ZDBF2: variants seen among roughly 807,000 people sequenced by gnomAD.
ZDBF2 encodes the protein zinc finger DBF-type containing 2, also known as DBF4-type zinc finger-containing protein 2.
ZDBF2 carries 6 observed loss-of-function variants against 9.4 expected under a neutral mutation model. That is an observed-to-expected ratio of 0.64 (90% CI 0.35 to 1.27). The LOEUF (loss-of-function observed/expected upper bound fraction) is 1.27. Ranked by LOEUF, ZDBF2 falls within the 50% of genes most tolerant of loss-of-function variation. The probability of loss-of-function intolerance (pLI) is 0.03; values close to 1 mark genes in which losing one functional copy is unlikely to be tolerated. For missense variants in ZDBF2, 2,697 were observed against 2,766.8 expected, an observed-to-expected ratio of 0.97 and a Z score of 0.57; for synonymous variants, 905 against 946.3, an observed-to-expected ratio of 0.96 and a Z score of 0.80.
Position 206,295,363 on chromosome 2 carries a change from C to CTTT in ZDBF2, c.61-1867_61-1865dup, listed in dbSNP as rs571707187. 8.0e-3 allele frequency among the ~76,000 whole-genome samples: 883 copies of CTTT among 110,944 alleles called. 17 individuals carry two copies. The highest frequency in any genetic ancestry group is 0.027 in the African/African-American group (798 of 29,620). 72.8% of individuals were successfully genotyped at this position (110,944 alleles called of 152,430 possible). A position where few individuals can be genotyped will look rare whatever the true frequency, so the allele number is the denominator to read the frequency against. ...TAATTCTTTTTTTTTCTTTTCTTTTCTTTTTTTTTTTTTTTTTTGAGACAG... is the reference window on the plus strand; with the variant it reads ...TAATTCTTTTTTTTTCTTTTCTTTTCTTTTTTTTTTTTTTTTTTTTTGAGACAG... On this transcript the variant is annotated intron_variant, in intron 3 of 4. Coordinates refer to ENST00000374423, the MANE Select transcript of ZDBF2 (RefSeq NM_020923.3).
At chr2:206,299,878 C>T (rs1182938321) in intron 4 of ZDBF2, among the ~76,000 whole-genome samples, 2 of 151,650 alleles carry the variant, frequency 1.3e-5, no homozygotes, top group East Asian at 1.9e-4. Flanking sequence ...GAGGCCGAGG[C>T]GGGCGGATCA....
rs200294453 is a variant in ZDBF2, at chr2:206,310,366, T to C, written c.5838T>C (p.Thr1946=). ...QCQTAKISHS[T]QTSCKNYPVM... ...AGACAGCGAAAATCAGCCATAGTAC[T>C]CAGACCAGTTGTAAGAATTACCCAG... is the stretch of plus-strand genomic sequence containing the variant. The change falls in exon 5 of 5, where the codon ACT becomes ACC. Residue 1946 remains threonine (T), a synonymous_variant. Transcript: ENST00000374423. The C allele has an allele frequency of 9.9e-6, 16 of 1,613,940 alleles. No homozygotes were observed. Among genetic ancestry groups the C allele is most frequent in the Non-Finnish European group, 2.5e-6 (3 of 1,179,882 alleles).
Position 206,307,590 on chromosome 2 carries a change from TAAACAG to T in ZDBF2, c.3066_3071del (p.Asn1022_Arg1023del), listed in dbSNP as rs749924193. 45 of 1,612,566 alleles carry T rather than the reference TAAACAG, an allele frequency of 2.8e-5. No homozygotes were observed. In the South Asian group the frequency reaches 4.4e-4, roughly 16 times the overall value. On this transcript the variant is annotated inframe_deletion, in exon 5 of 5. Coordinates refer to ENST00000374423, the MANE Select transcript of ZDBF2 (RefSeq NM_020923.3). The stretch of plus-strand genomic sequence containing the variant: ...GAACCTCAAGTAGCTGTTAACAAAA[TAAACAG>T]AAAGAAGCAATATGTTCTAGAAAAC...
In ZDBF2 at chr2:206,305,637, C is replaced by T. The variant is rs778584044; in HGVS notation, c.1109C>T (p.Ser370Phe). ...TCTGAAATGAAGTTTGATTGTATCTCTCTTCAGTCAGCATCTGATCAGCCC... is the reference window on the plus strand; with the variant it reads ...TCTGAAATGAAGTTTGATTGTATCTTTCTTCAGTCAGCATCTGATCAGCCC... ...VSSEMKFDCI[S>F]LQSASDQPQE... The change falls in exon 5 of 5, where the codon TCT (serine) becomes TTT (phenylalanine). Residue 370 changes from serine to phenylalanine, a missense_variant. Around this residue, in one of 3 missense-constraint regions of ZDBF2, gnomAD observed 910 missense variants for 973.6 expected, o/e 0.93. Transcript: ENST00000374423. 1 of 1,613,694 alleles carries T rather than the reference C, an allele frequency of 6.2e-7. No homozygotes were observed. The highest frequency in any genetic ancestry group is 1.1e-5 in the South Asian group (1 of 91,064).
rs887545037 is a variant in ZDBF2, at chr2:206,306,994, T to C, written c.2466T>C (p.Asn822=). The C allele has an allele frequency of 1.2e-6, 2 of 1,613,720 alleles. No individual in the cohort carries two copies. Among genetic ancestry groups the C allele is most frequent in the Non-Finnish European group, 1.7e-6 (2 of 1,179,770 alleles). Residue 822 remains asparagine, a synonymous_variant, in exon 5 of 5, where the codon AAT becomes AAC. Transcript: ENST00000374423. ...EETVDLESKS[N]ESCVSEITFD... Reference sequence around the variant, plus strand: ...CTGTTGATCTGGAAAGTAAAAGTAATGAATCTTGTGTCTCTGAAATAACTT... The same window carrying C: ...CTGTTGATCTGGAAAGTAAAAGTAACGAATCTTGTGTCTCTGAAATAACTT...
rs1375137397 is a variant in ZDBF2 at position 206,305,804 on chromosome 2, A to G, written c.1276A>G (p.Lys426Glu). ...SLTDQSKVSA[K>E]EVNLSKEVRT... ...GACTGACCAATCTAAAGTGAGTGCCAAAGAAGTAAACCTTTCCAAGGAAGT... is the reference window on the plus strand; with the variant it reads ...GACTGACCAATCTAAAGTGAGTGCCGAAGAAGTAAACCTTTCCAAGGAAGT... The change falls in exon 5 of 5, where the codon AAA (lysine) becomes GAA (glutamate). Residue 426 changes from lysine to glutamate, a missense_variant. Physicochemically the swap from Lys to Glu is moderately conservative, Grantham distance 56. Transcript: ENST00000374423. The G allele has an allele frequency of 6.2e-7, 1 of 1,613,708 alleles. No individual in the cohort carries two copies. Among genetic ancestry groups the G allele is most frequent in the East Asian group, 2.2e-5 (1 of 44,872 alleles).
At chr2:206,282,132 A>T (rs1691352227) in intron 3 of ZDBF2, among the ~76,000 whole-genome samples, 2 of 152,232 alleles carry the variant, frequency 1.3e-5, no homozygotes, top group Admixed American at 6.5e-5. Flanking sequence ...GATAAATAAT[A>T]TATAAATTTA....
chr2:206,276,611 A>G (rs896079316), intron 1 of ZDBF2, among the ~76,000 whole-genome samples: 4 of 152,168 alleles, frequency 2.6e-5, no homozygotes, highest in Non-Finnish European at 5.9e-5. Context: ...AGCATAAACT[A>G]CTCAAATTGA....
At chr2:206,284,167 G>T (rs1691479745) in intron 3 of ZDBF2, among the ~76,000 whole-genome samples, 1 of 151,822 alleles carries the variant, frequency 6.6e-6, no homozygotes. Context: ...TGTGAGATAG[G>T]GCTATACTTT....
chr2:206,294,159 A>T (rs1464908429), intron 3 of ZDBF2, among the ~76,000 whole-genome samples: 1 of 152,232 alleles, frequency 6.6e-6, no homozygotes, highest in Non-Finnish European at 1.5e-5. Flanking sequence ...GACTCCATTT[A>T]TATACATTTC....
In ZDBF2 at chr2:206,309,140, G is replaced by T; in HGVS notation, c.4612G>T (p.Glu1538Ter). The T allele has an allele frequency of 6.2e-7, 1 of 1,613,114 alleles. No individual in the cohort carries two copies. The highest frequency in any genetic ancestry group is 8.5e-7 in the Non-Finnish European group (1 of 1,179,478). Residue 1538 changes from glutamate (E) to a stop codon, truncating the protein, a stop_gained, in exon 5 of 5, where the codon GAA becomes TAA. Transcript: ENST00000374423. LOFTEE classifies it low-confidence loss of function (END_TRUNC). ...VDLVPGDSDY[E>*]VISDDIPLQL... is the part of the protein sequence containing the mutation. ...TCTGGTGCCCGGTGATAGTGATTAT[G>T]AAGTAATTTCAGATGATATTCCCCT...
chr2:206,285,195 G>A lies in ZDBF2; in HGVS notation c.60+3286G>A, dbSNP rs192431620. On this transcript the variant is annotated intron_variant, in intron 3 of 4. Transcript: ENST00000374423. ...AGTAGGATTGCTGGACCATATGGTAGTTATATTTTTAGGTTTTTGAGAACA... is the reference window on the plus strand; with the variant it reads ...AGTAGGATTGCTGGACCATATGGTAATTATATTTTTAGGTTTTTGAGAACA... 1.7e-3 allele frequency among the ~76,000 whole-genome samples: 261 copies of A among 152,288 alleles called. 1 individual carries two copies. Among genetic ancestry groups the A allele is most frequent in the Middle Eastern group, 3.4e-3 (1 of 294 alleles).
chr2:206,309,648 C>T lies in ZDBF2; in HGVS notation c.5120C>T (p.Ala1707Val). Reference sequence around the variant, plus strand: ...AAAGGTAAGAGCTGTCAGTCTAGTGCTTCTGCAGTGGATTTTGGTGCCTCT... The same window carrying T: ...AAAGGTAAGAGCTGTCAGTCTAGTGTTTCTGCAGTGGATTTTGGTGCCTCT... ...GLKGKSCQSS[A>V]SAVDFGASSK... The change falls in exon 5 of 5, where the codon GCT (alanine) becomes GTT (valine). Residue 1707 changes from alanine (A) to valine (V), a missense_variant. Ala to Val is a moderately conservative substitution (Grantham distance 64). Transcript: ENST00000374423. 6.2e-7 allele frequency: 1 copy of T among 1,613,904 alleles called. No homozygotes were observed. Among genetic ancestry groups the T allele is most frequent in the Admixed American group, 1.7e-5 (1 of 60,028 alleles).
At chr2:206,282,304 G>T (rs1230806532) in intron 3 of ZDBF2, among the ~76,000 whole-genome samples, 1 of 152,108 alleles carries the variant, frequency 6.6e-6, no homozygotes, top group African/African-American at 2.4e-5. Flanking sequence ...CTAGGTAGAG[G>T]GAAGAGACAG....
rs1475790260 is a variant in ZDBF2 at position 206,309,947 on chromosome 2, G to A, written c.5419G>A (p.Val1807Ile). 17 of 1,613,728 alleles carry A rather than the reference G, an allele frequency of 1.1e-5. No individual in the cohort carries two copies. The Admixed American group carries it at 2.7e-4, about 25-fold the overall frequency. ...SVRNLKKAKD[V>I]IEDNPDEPVL... Reference sequence around the variant, plus strand: ...AAGGAACCTGAAAAAAGCAAAGGATGTCATAGAGGATAATCCTGATGAACC... The same window carrying A: ...AAGGAACCTGAAAAAAGCAAAGGATATCATAGAGGATAATCCTGATGAACC... The change falls in exon 5 of 5, where the codon GTC becomes ATC. Residue 1807 changes from valine (V) to isoleucine (I), a missense_variant. Transcript: ENST00000374423.
intron 3 of ZDBF2, among the ~76,000 whole-genome samples, chr2:206,294,011 G>A (rs1181499503): frequency 2.0e-5 from 3 of 152,122 alleles, no homozygotes; most frequent in African/African-American, 7.2e-5. Flanking sequence ...ATCAAGAGTA[G>A]AATGAATAAA....
In ZDBF2 at chr2:206,311,659, G is replaced by C. The variant is rs768902317; in HGVS notation, c.*66G>C. On this transcript the variant is annotated 3_prime_UTR_variant, in exon 5 of 5. Coordinates refer to ENST00000374423, the MANE Select transcript of ZDBF2 (RefSeq NM_020923.3). ...TCAGTTGAAATATATTTGGTACTTT[G>C]TGCACACAGCTTTCCCAGCTTTGGT... 82 of 1,342,778 alleles carry C rather than the reference G, an allele frequency of 6.1e-5. No homozygotes were observed. Among genetic ancestry groups the C allele is most frequent in the Non-Finnish European group, 7.7e-5 (80 of 1,036,922 alleles). The allele number at this position is 1,342,778 out of a possible 1,614,324, so 83.2% of individuals were successfully genotyped here. A position where few individuals can be genotyped will look rare whatever the true frequency, so the allele number is the denominator to read the frequency against.
chr2:206,292,481 T>C (rs931704897), intron 3 of ZDBF2, among the ~76,000 whole-genome samples: 3 of 151,994 alleles, frequency 2.0e-5, no homozygotes, highest in African/African-American at 7.2e-5. Context: ...TAAGTGAAAA[T>C]AGGTTTGATG....
intron 1 of ZDBF2, among the ~76,000 whole-genome samples, chr2:206,277,997 C>T (rs1691115179): frequency 6.6e-6 from 1 of 152,006 alleles, no homozygotes; most frequent in Admixed American, 6.6e-5. Context: ...CTATTTTCTC[C>T]TATTTTATGA....
Sources: allele counts gnomAD v4.1 joint callset (sites outside exome capture counted in the v4.1 genomes callset), GRCh38; gene constraint gnomAD v4.1.1; regional missense constraint gnomAD v4.1.1; transcripts MANE v1.5; gene names NCBI Gene and HGNC (gene_info 2026-07-23, HGNC 2026-07-21).